Variants in L3MBTL4 observed in about 807,000 individuals in gnomAD.
L3MBTL4 encodes lethal(3)malignant brain tumor-like protein 4.
In L3MBTL4, 70 loss-of-function variants were observed where a neutral mutation model predicts 84.5. That is an observed-to-expected ratio of 0.83 (90% CI 0.68 to 1.01). The LOEUF (loss-of-function observed/expected upper bound fraction) is 1.01. Among genes scored for constraint, L3MBTL4 ranks in the 50% least tolerant of loss-of-function variants. L3MBTL4 has a pLI of 0.00. For missense variants in L3MBTL4, 715 were observed against 754.8 expected (o/e 0.95, Z 0.62); for synonymous variants, 274 against 259.8 (o/e 1.05, Z -0.52).
At chr18:6,350,806 A>G (rs1478599995) in intron 1 of L3MBTL4, among the ~76,000 whole-genome samples, 1 of 152,238 alleles carries the variant, frequency 6.6e-6, no homozygotes, top group Non-Finnish European at 1.5e-5. Flanking sequence ...CACAATAGCC[A>G]AAGAGTAGAA....
intron 10 of L3MBTL4, among the ~76,000 whole-genome samples, chr18:6,234,342 T>G (rs2047126172): frequency 6.6e-6 from 1 of 152,162 alleles, no homozygotes; most frequent in Non-Finnish European, 1.5e-5. Flanking sequence ...AAAGAGCTTC[T>G]GCACAGCAAA....
chr18:6,378,689 G>A (rs895093570), intron 1 of L3MBTL4, among the ~76,000 whole-genome samples: 8 of 152,088 alleles, frequency 5.3e-5, no homozygotes, highest in African/African-American at 1.9e-4. Flanking sequence ...TGTCTGTTTT[G>A]GTACCAGTAC....
intron 1 of L3MBTL4, among the ~76,000 whole-genome samples, chr18:6,380,330 A>G (rs1034517412): frequency 1.1e-4 from 17 of 151,840 alleles, no homozygotes; most frequent in Non-Finnish European, 2.1e-4. Context: ...GTTCTGCTCT[A>G]ATCTTCATTA....
At chr18:6,281,716 G>A (rs1038938079) in intron 4 of L3MBTL4, among the ~76,000 whole-genome samples, 6 of 152,052 alleles carry the variant, frequency 3.9e-5, no homozygotes, top group African/African-American at 9.7e-5. Context: ...AATTAATTAC[G>A]ACAACAACTA....
intron 13 of L3MBTL4, among the ~76,000 whole-genome samples, chr18:6,159,044 G>A (rs1251873229): frequency 2.6e-5 from 4 of 152,138 alleles, no homozygotes; most frequent in African/African-American, 9.6e-5. Context: ...TGATGATCAG[G>A]AATGATGTGA....
intron 17 of L3MBTL4, among the ~76,000 whole-genome samples, chr18:5,966,436 C>T (rs1005791992): frequency 2.6e-5 from 4 of 152,186 alleles, no homozygotes; most frequent in Non-Finnish European, 4.4e-5. Context: ...GTTTCATCTT[C>T]CCCTGACACC....
rs778529742 is a variant in L3MBTL4, at chr18:5,969,507, C to T, written c.1500G>A (p.Thr500=). 5 of 1,613,812 alleles carry T rather than the reference C, an allele frequency of 3.1e-6. No homozygotes were observed. Among genetic ancestry groups the T allele is most frequent in the Middle Eastern group, 1.7e-4 (1 of 6,052 alleles). Residue 500 remains threonine, a synonymous_variant, in exon 17 of 19, where the codon ACG becomes ACA. Transcript: ENST00000317931. ...GGTCCCGAAAAGGGTGGGCTGACAC[C>T]GTGGACATGGACACTGACTGGTGAA... ...QVLHQSVSMS[T]VSAHPFRDLP...
At chr18:5,995,510 C>T (rs528365653) in intron 16 of L3MBTL4, among the ~76,000 whole-genome samples, 1 of 152,238 alleles carries the variant, frequency 6.6e-6, no homozygotes, top group South Asian at 2.1e-4. Context: ...CCAAGGTTAT[C>T]GTGAAGGAGA....
At chr18:6,201,416 G>A (rs575023603) in intron 12 of L3MBTL4, among the ~76,000 whole-genome samples, 6 of 152,274 alleles carry the variant, frequency 3.9e-5, no homozygotes, top group African/African-American at 1.4e-4. Context: ...TGTGAGGAGC[G>A]AGGGTGTGTG....
At chr18:6,027,627 G>C (rs573607972) in intron 16 of L3MBTL4, among the ~76,000 whole-genome samples, 1 of 152,156 alleles carries the variant, frequency 6.6e-6, no homozygotes, top group Non-Finnish European at 1.5e-5. Flanking sequence ...CTTCCACAAC[G>C]GTTGAACTAA....
intron 18 of L3MBTL4, among the ~76,000 whole-genome samples, chr18:5,958,130 A>G (rs76820029): frequency 0.031 from 947 of 30,806 alleles, 16 homozygotes; most frequent in Non-Finnish European, 0.037. Context: ...AGAAGAAGAA[A>G]AAGAAGAAGA....
chr18:5,965,073 T>C (rs1421910759), intron 17 of L3MBTL4, among the ~76,000 whole-genome samples: 4 of 152,226 alleles, frequency 2.6e-5, no homozygotes, highest in Non-Finnish European at 5.9e-5. Context: ...ACTTATCACA[T>C]GTGCACACCC....
In L3MBTL4 at chr18:6,030,846, G is replaced by A. The variant is rs1044039038; in HGVS notation, c.1444+50035C>T. 1.0e-5 allele frequency: 10 copies of A among 985,086 alleles called. No homozygotes were observed. In the African/African-American group the frequency reaches 1.7e-4, roughly 17 times the overall value. The allele number at this position is 985,086 out of a possible 1,614,324, so 61.0% of individuals were successfully genotyped here. The stretch of plus-strand genomic sequence containing the variant: ...CATTTTAAAACAGGCACACTAACAT[G>A]AAACATACTGAAACTGCACTGTAGG... On this transcript the variant is annotated intron_variant, in intron 16 of 18. Transcript: ENST00000317931.
intron 12 of L3MBTL4, among the ~76,000 whole-genome samples, chr18:6,172,776 C>G (rs2044039951): frequency 6.6e-6 from 1 of 151,962 alleles, no homozygotes; most frequent in African/African-American, 2.4e-5. Context: ...CTTTCTAATG[C>G]AAAGAAGCCC....
At chr18:6,158,986 A>G (rs192970218) in intron 13 of L3MBTL4, among the ~76,000 whole-genome samples, 5 of 152,298 alleles carry the variant, frequency 3.3e-5, no homozygotes, top group South Asian at 4.1e-4. Flanking sequence ...TCTCTTTATG[A>G]AAAGGTAAGG....
chr18:6,288,200 T>C (rs531839811), intron 4 of L3MBTL4, among the ~76,000 whole-genome samples: 5 of 152,252 alleles, frequency 3.3e-5, no homozygotes, highest in Admixed American at 6.5e-5. Flanking sequence ...TCTCTCTGTG[T>C]ATGTATATGT....
At chr18:6,040,668 G>C (rs990757997) in intron 16 of L3MBTL4, among the ~76,000 whole-genome samples, 1 of 152,182 alleles carries the variant, frequency 6.6e-6, no homozygotes, top group African/African-American at 2.4e-5. Flanking sequence ...AGTCCTTTGA[G>C]TGGCTTAAGT....
chr18:6,188,582 C>A (rs1348576559), intron 12 of L3MBTL4, among the ~76,000 whole-genome samples: 1 of 152,202 alleles, frequency 6.6e-6, no homozygotes, highest in African/African-American at 2.4e-5. Flanking sequence ...CAGCCACTTC[C>A]TCCAGCTCAG....
At chr18:6,021,768 TG>T (rs71370536) in intron 16 of L3MBTL4, among the ~76,000 whole-genome samples, 7 of 151,510 alleles carry the variant, frequency 4.6e-5, no homozygotes, top group South Asian at 2.1e-4. Context: ...TGCAGCGGGG[TG>T]GGGGGGTGGC....
Sources: allele counts gnomAD v4.1 joint callset (sites outside exome capture counted in the v4.1 genomes callset), GRCh38; gene constraint gnomAD v4.1.1; transcripts MANE v1.5; gene names NCBI Gene and HGNC (gene_info 2026-07-23, HGNC 2026-07-21).